Variants in CENPQ observed in about 807,000 individuals in gnomAD.
CENPQ encodes chromosome 6 open reading frame 139.
In CENPQ, 27 loss-of-function variants were observed where a neutral mutation model predicts 36.6. The ratio of observed to expected loss-of-function variants is 0.74; its 90% CI spans 0.54 to 1.02. CENPQ has a LOEUF of 1.02. Ranked by LOEUF, CENPQ falls within the 50% of genes least tolerant of loss-of-function variation. The probability of loss-of-function intolerance (pLI) is 0.00; values close to 1 mark genes in which losing one functional copy is unlikely to be tolerated. For missense variants in CENPQ, 306 were observed against 301.8 expected, an observed-to-expected ratio of 1.01 and a Z score of -0.10; for synonymous variants, 101 against 101.7, an observed-to-expected ratio of 0.99 and a Z score of 0.04.
chr6:49,476,022 GCCATCC>G (rs1293861394), intron 5 of CENPQ, among the ~76,000 whole-genome samples: 1 of 151,952 alleles, frequency 6.6e-6, no homozygotes, highest in Non-Finnish European at 1.5e-5. Context: ...TAGATTCAGT[GCCATCC>G]CCATCAAGCT....
intron 4 of CENPQ, 44 bp from the exon 5 acceptor site, chr6:49,472,746 T>A: frequency 7.3e-7 from 1 of 1,367,990 alleles, no homozygotes; most frequent in Non-Finnish European, 9.7e-7. Context: ...GTATATGATT[T>A]GTGCATCAGA....
chr6:49,472,073 GCA>G lies in CENPQ; in HGVS notation c.172_173del (p.Thr58Ter), dbSNP rs1561964907. On this transcript the variant is annotated frameshift_variant, in exon 4 of 9. Transcript: ENST00000335783. LOFTEE classifies it high-confidence loss of function. The stretch of plus-strand genomic sequence containing the variant: ...TATTACTAACGACAGGACAAACAAA[GCA>G]CACTAACCTAAAACACGGAAAGACA... Reference protein sequence around the residue: ...KDLSSEGQTKHTNLKHGKTAA... With the variant: ...KDLSSEGQTKXTNLKHGKTAA... 1 of 1,611,238 alleles carries G rather than the reference GCA, an allele frequency of 6.2e-7. No individual in the cohort carries two copies. Among genetic ancestry groups the G allele is most frequent in the Non-Finnish European group, 8.5e-7 (1 of 1,178,754 alleles).
intron 3 of CENPQ, 119 bp downstream of exon 3, chr6:49,471,147 A>AT (rs1173271355): frequency 5.7e-6 from 3 of 528,022 alleles, no homozygotes; most frequent in Non-Finnish European, 9.1e-6. Flanking sequence ...AAACAACTAC[A>AT]TTTGCATTTT....
chr6:49,485,197 C>CT (rs1165077668), intron 6 of CENPQ, among the ~76,000 whole-genome samples: 3 of 152,206 alleles, frequency 2.0e-5, no homozygotes, highest in Admixed American at 2.0e-4. Context: ...AGAACCATTG[C>CT]TTTTTCTCAC....
intron 8 of CENPQ, 119 bp from the exon 9 acceptor site, chr6:49,492,025 C>A: frequency 1.4e-6 from 1 of 739,468 alleles, no homozygotes; most frequent in Non-Finnish European, 2.2e-6. Context: ...GATTCGTTGA[C>A]AATTATTGAA....
At chr6:49,481,508 G>A (rs1278234547) in intron 6 of CENPQ, among the ~76,000 whole-genome samples, 1 of 152,168 alleles carries the variant, frequency 6.6e-6, no homozygotes, top group Non-Finnish European at 1.5e-5. Context: ...GACCCAAAGA[G>A]TGAGCAGTAG....
intron 4 of CENPQ, 22 bp downstream of exon 4, chr6:49,472,205 T>G (rs771806755): frequency 1.9e-6 from 3 of 1,572,194 alleles, no homozygotes; most frequent in Non-Finnish European, 2.6e-6. Context: ...ATTGTTCCAT[T>G]TCATTCTTTT....
chr6:49,478,547 G>A (rs1267160795), intron 5 of CENPQ, among the ~76,000 whole-genome samples: 1 of 152,020 alleles, frequency 6.6e-6, no homozygotes, highest in African/African-American at 2.4e-5. Flanking sequence ...TACAGCTATA[G>A]TCATAGGCAG....
chr6:49,464,520 T>TTTCTCTGTA, intron 1 of CENPQ, among the ~76,000 whole-genome samples: 1 of 152,238 alleles, frequency 6.6e-6, no homozygotes, highest in Non-Finnish European at 1.5e-5. Flanking sequence ...TAGCATGTGA[T>TTTCTCTGTA]GCTGTTTGAA....
chr6:49,488,593 T>G lies in CENPQ; in HGVS notation c.598-14T>G. 1.2e-6 allele frequency: 2 copies of G among 1,609,258 alleles called. No homozygotes were observed. The highest frequency in any genetic ancestry group is 1.7e-6 in the Non-Finnish European group (2 of 1,175,988). ...CAGCTTTTTGAAATAATCTGTAGCT[T>G]TCTTCTACTTTAGATGCATCAAATA... On this transcript the variant is annotated splice_polypyrimidine_tract_variant and intron_variant, in intron 7 of 8. Coordinates refer to ENST00000335783, the MANE Select transcript of CENPQ (RefSeq NM_018132.4).
intron 1 of CENPQ, among the ~76,000 whole-genome samples, chr6:49,468,806 G>A (rs1768063408): frequency 6.6e-6 from 1 of 152,146 alleles, no homozygotes. Flanking sequence ...TAAAATCTCA[G>A]CTGTTACTTG....
chr6:49,473,332 G>C (rs536945756), intron 5 of CENPQ, among the ~76,000 whole-genome samples: 2 of 152,110 alleles, frequency 1.3e-5, no homozygotes, highest in South Asian at 4.2e-4. Flanking sequence ...TTCTTCTCAG[G>C]AGTTCTTAAA....
At chr6:49,481,915 CA>C (rs1277671746) in intron 6 of CENPQ, among the ~76,000 whole-genome samples, 1 of 152,152 alleles carries the variant, frequency 6.6e-6, no homozygotes, top group Non-Finnish European at 1.5e-5. Context: ...CACAGGAGCC[CA>C]CGGAGGAGGG....
At chr6:49,472,293 C>T (rs918996558) in intron 4 of CENPQ, 110 bp downstream of exon 4, 3 of 879,622 alleles carry the variant, frequency 3.4e-6, no homozygotes, top group African/African-American at 1.8e-5. Flanking sequence ...GAGTATATTT[C>T]TATTTCGGAA....
chr6:49,482,145 C>CT (rs1423208560), intron 6 of CENPQ, among the ~76,000 whole-genome samples: 1 of 152,196 alleles, frequency 6.6e-6, no homozygotes, highest in Non-Finnish European at 1.5e-5. Flanking sequence ...CCACACCCAC[C>CT]GGAACTCCAG....
intron 1 of CENPQ, among the ~76,000 whole-genome samples, chr6:49,466,652 A>G (rs1477284678): frequency 1.3e-5 from 2 of 152,210 alleles, no homozygotes; most frequent in Non-Finnish European, 2.9e-5. Context: ...TCATTTTTAT[A>G]TGCACTGTGA....
chr6:49,490,290 G>A (rs1033181067), intron 8 of CENPQ, among the ~76,000 whole-genome samples: 6 of 152,194 alleles, frequency 3.9e-5, no homozygotes, highest in African/African-American at 1.4e-4. Flanking sequence ...CACTTTTTAT[G>A]TTATAAACAC....
chr6:49,466,240 G>A (rs527473663), intron 1 of CENPQ, among the ~76,000 whole-genome samples: 1 of 152,236 alleles, frequency 6.6e-6, no homozygotes, highest in South Asian at 2.1e-4. Context: ...AACAATTACA[G>A]AGTAACATCA....
intron 1 of CENPQ, among the ~76,000 whole-genome samples, chr6:49,465,232 G>A (rs1394968942): frequency 6.6e-6 from 1 of 152,180 alleles, no homozygotes; most frequent in Admixed American, 6.5e-5. Flanking sequence ...TGAGCTGTAG[G>A]TCTCAAAGAT....
Sources: gnomAD v4.1 joint callset for allele counts (sites outside exome capture counted in the v4.1 genomes callset) on GRCh38, gnomAD v4.1.1 for gene constraint, MANE v1.5 for transcripts, NCBI Gene and HGNC (gene_info 2026-07-23, HGNC 2026-07-21) for gene names.